AAK1: variants seen among roughly 807,000 people sequenced by gnomAD.
AAK1 encodes the protein AP2 associated kinase 1.
Under a neutral mutation model 116.0 loss-of-function variants are expected in AAK1, and 37 were observed. The observed-to-expected ratio is 0.32, with a 90% confidence interval of 0.25 to 0.42. AAK1 has a LOEUF of 0.42. AAK1 is among the 10% of genes least tolerant of loss of function. AAK1 has a pLI of 1.00. For missense variants in AAK1, 919 were observed against 1,170.6 expected, an observed-to-expected ratio of 0.79 and a Z score of 3.14; for synonymous variants, 458 against 439.9, an observed-to-expected ratio of 1.04 and a Z score of -0.51.
intron 21 of AAK1, 39 bp from the exon 22 acceptor site, chr2:69,476,002 A>T (rs1469964024): frequency 1.3e-6 from 2 of 1,586,822 alleles, no homozygotes; most frequent in South Asian, 2.3e-5. Flanking sequence ...CAAAACATAG[A>T]GGGTTAAGGT....
chr2:69,628,211 C>T (rs1419876963), intron 2 of AAK1, among the ~76,000 whole-genome samples: 2 of 151,924 alleles, frequency 1.3e-5, no homozygotes, highest in East Asian at 1.9e-4. Context: ...TTTGGGAGGC[C>T]GAGGTGGGAG....
intron 11 of AAK1, among the ~76,000 whole-genome samples, 155 bp downstream of exon 11, chr2:69,520,679 T>G (rs894008369): frequency 1.3e-5 from 2 of 152,186 alleles, no homozygotes; most frequent in Non-Finnish European, 2.9e-5. Flanking sequence ...TGCCATACAA[T>G]TTCAAGGGCA....
Position 69,469,764 on chromosome 2 carries a change from A to C in AAK1, c.*6105T>G, listed in dbSNP as rs1005472250. ...TCTTTTTATTTTGGTTTCACACATA[A>C]AATTAAGCAAGAAGTCAAAACATAC... On this transcript the variant is annotated 3_prime_UTR_variant, in exon 22 of 22. Coordinates refer to ENST00000409085, the MANE Select transcript of AAK1 (RefSeq NM_014911.5). 29 of 985,436 alleles carry C rather than the reference A, an allele frequency of 2.9e-5. No homozygotes were observed. The highest frequency in any genetic ancestry group is 1.0e-3 in the Middle Eastern group (2 of 1,914). 61.0% of individuals were successfully genotyped at this position (985,436 alleles called of 1,614,324 possible).
At position 69,474,823 on chromosome 2, in the gene AAK1, A is replaced by G. The variant is rs1674792637; in HGVS notation, c.*1046T>C. 1 of 985,756 alleles carries G rather than the reference A, an allele frequency of 1.0e-6. No individual in the cohort carries two copies. The highest frequency in any genetic ancestry group is 1.2e-6 in the Non-Finnish European group (1 of 829,946). 61.1% of individuals were successfully genotyped at this position (985,756 alleles called of 1,614,324 possible). On this transcript the variant is annotated 3_prime_UTR_variant, in exon 22 of 22. Coordinates refer to ENST00000409085, the MANE Select transcript of AAK1 (RefSeq NM_014911.5). ...AGGGAAAGAAATCAAAACCCTGTAC[A>G]GACACCTGATATCAGACTTGAAATG...
intron 2 of AAK1, chr2:69,598,174 C>T: frequency 2.0e-6 from 2 of 977,206 alleles, no homozygotes; most frequent in Admixed American, 3.2e-5. Context: ...CCAAGTACAT[C>T]ATGAATACAG....
At chr2:69,480,774 C>G in intron 19 of AAK1, 86 bp downstream of exon 19, 1 of 1,178,746 alleles carries the variant, frequency 8.5e-7, no homozygotes, top group Non-Finnish European at 1.2e-6. Context: ...AAAATAAGCC[C>G]AGGAACGACT....
rs1558887676 is a variant in AAK1, at chr2:69,471,691, C to G, written c.*4178G>C. On this transcript the variant is annotated 3_prime_UTR_variant, in exon 22 of 22. Coordinates refer to ENST00000409085, the MANE Select transcript of AAK1 (RefSeq NM_014911.5). ...CACAGAAAAACCTTATCAAGAGAGA[C>G]TTTATTTTGGCCCAAGGTATCTATA... 1 of 985,208 alleles carries G rather than the reference C, an allele frequency of 1.0e-6. No individual in the cohort carries two copies. Among genetic ancestry groups the G allele is most frequent in the Non-Finnish European group, 1.2e-6 (1 of 829,894 alleles). The allele number at this position is 985,208 out of a possible 1,614,324, so 61.0% of individuals were successfully genotyped here. A position where few individuals can be genotyped will look rare whatever the true frequency, so the allele number is the denominator to read the frequency against.
chr2:69,466,918 A>C lies in AAK1; in HGVS notation c.*8951T>G. 1.0e-6 allele frequency: 1 copy of C among 985,430 alleles called. No homozygotes were observed. Among genetic ancestry groups the C allele is most frequent in the Non-Finnish European group, 1.2e-6 (1 of 829,936 alleles). 61.0% of individuals were successfully genotyped at this position (985,430 alleles called of 1,614,324 possible). On this transcript the variant is annotated 3_prime_UTR_variant, in exon 22 of 22. Transcript: ENST00000409085. ...CAAACCCAGTCATTCATCTCCACAT[A>C]TACCATGACAGTTTTGGATTATGTA... is the stretch of plus-strand genomic sequence containing the variant.
At chr2:69,504,542 C>A (rs1002138615) in intron 16 of AAK1, among the ~76,000 whole-genome samples, 1 of 151,946 alleles carries the variant, frequency 6.6e-6, no homozygotes, top group Admixed American at 6.6e-5. Flanking sequence ...CCAAGGCAGG[C>A]AGATCACCTG....
rs2104852667 is a variant in AAK1 at position 69,461,593 on chromosome 2, CA to C, written c.*14275del. Reference sequence around the variant, plus strand: ...TCTCCACCCATCATGTCTCCAGTGACAATTTTTTTTTTTTTTTTGAGGCGGA... The same window carrying C: ...TCTCCACCCATCATGTCTCCAGTGACATTTTTTTTTTTTTTTTGAGGCGGA... On this transcript the variant is annotated 3_prime_UTR_variant, in exon 22 of 22. Transcript: ENST00000409085. The C allele has an allele frequency of 4.7e-6, 2 of 423,630 alleles. No homozygotes were observed. The highest frequency in any genetic ancestry group is 1.7e-5 in the South Asian group (1 of 60,348). The allele number at this position is 423,630 out of a possible 1,614,324, so 26.2% of individuals were successfully genotyped here.
At chr2:69,479,442 T>C (rs76751835) in intron 19 of AAK1, among the ~76,000 whole-genome samples, 4,762 of 152,256 alleles carry the variant, frequency 0.031, 290 homozygotes, top group East Asian at 0.19. Context: ...AATAGGTCTG[T>C]GATTTGGATG....
At chr2:69,537,478 T>G (rs1166484027) in intron 5 of AAK1, among the ~76,000 whole-genome samples, 1 of 152,088 alleles carries the variant, frequency 6.6e-6, no homozygotes, top group African/African-American at 2.4e-5. Context: ...AGGCCCGAAG[T>G]AGGCCTGGCC....
At chr2:69,476,835 A>G (rs1363862457) in intron 21 of AAK1, 45 bp downstream of exon 21, 1 of 1,418,008 alleles carries the variant, frequency 7.1e-7, no homozygotes, top group Non-Finnish European at 9.8e-7. Context: ...TATTTTGAAG[A>G]GAACTGAGGC....
chr2:69,619,889 T>A (rs1674514583), intron 2 of AAK1, among the ~76,000 whole-genome samples: 1 of 152,034 alleles, frequency 6.6e-6, no homozygotes, highest in Non-Finnish European at 1.5e-5. Context: ...AAAATAAGAA[T>A]GCAGAGAGGA....
chr2:69,576,078 G>A (rs1182186041), intron 2 of AAK1, among the ~76,000 whole-genome samples: 4 of 152,224 alleles, frequency 2.6e-5, no homozygotes, highest in African/African-American at 7.2e-5. Flanking sequence ...ACCCTGGAGC[G>A]GGGAATAGCC....
At chr2:69,622,102 C>G (rs774747933) in intron 2 of AAK1, among the ~76,000 whole-genome samples, 4 of 152,228 alleles carry the variant, frequency 2.6e-5, no homozygotes, top group Non-Finnish European at 5.9e-5. Context: ...CGGGCGGGAA[C>G]CGGGGCTGCG....
intron 5 of AAK1, among the ~76,000 whole-genome samples, chr2:69,539,171 G>A (rs1376647204): frequency 6.6e-6 from 1 of 152,232 alleles, no homozygotes; most frequent in African/African-American, 2.4e-5. Flanking sequence ...AGCCTGGAAA[G>A]GAGGAGCTGG....
chr2:69,466,643 G>A lies in AAK1; in HGVS notation c.*9226C>T, dbSNP rs978381883. The A allele has an allele frequency of 5.5e-6, 6 of 1,086,924 alleles. No homozygotes were observed. The African/African-American group carries it at 8.4e-5, about 15-fold the overall frequency. 67.3% of individuals were successfully genotyped at this position (1,086,924 alleles called of 1,614,324 possible). On this transcript the variant is annotated 3_prime_UTR_variant, in exon 22 of 22. Transcript: ENST00000409085. Reference sequence around the variant, plus strand: ...TCAACCCGCGGCAAAAACATTGTGGGACCAAATAATAGATGTTGAAAATGC... The same window carrying A: ...TCAACCCGCGGCAAAAACATTGTGGAACCAAATAATAGATGTTGAAAATGC...
At chr2:69,587,619 C>CCGGG (rs1356914396) in intron 2 of AAK1, among the ~76,000 whole-genome samples, 20 of 152,058 alleles carry the variant, frequency 1.3e-4, no homozygotes, top group African/African-American at 4.8e-4. Context: ...GGGCATGCCA[C>CCGGG]CATGCCCAGC....
Sources: allele counts gnomAD v4.1 joint callset (sites outside exome capture counted in the v4.1 genomes callset), GRCh38; gene constraint gnomAD v4.1.1; transcripts MANE v1.5; gene names NCBI Gene and HGNC (gene_info 2026-07-23, HGNC 2026-07-21).